The following CALN1 variants were observed in gnomAD, a reference collection of about 807,000 sequenced individuals.
The protein encoded by CALN1 is calcium-binding protein 8.
CALN1 carries 17 observed loss-of-function variants against 30.6 expected under a neutral mutation model. The observed-to-expected ratio is 0.56, with a 90% CI of 0.38 to 0.83. The LOEUF (loss-of-function observed/expected upper bound fraction) is 0.83. CALN1 is among the 40% of genes least tolerant of loss of function. CALN1 has a pLI of 0.00. For synonymous variants in CALN1, 156 were observed against 131.4 expected, an observed-to-expected ratio of 1.19 and a Z score of -1.28; for missense variants, 291 against 354.9, an observed-to-expected ratio of 0.82 and a Z score of 1.45.
At chr7:72,030,227 G>A (rs1421758590) in intron 4 of CALN1, among the ~76,000 whole-genome samples, 1 of 151,884 alleles carries the variant, frequency 6.6e-6, no homozygotes, top group Non-Finnish European at 1.5e-5. Flanking sequence ...CACTCTCTTT[G>A]TTACTCAATG....
At chr7:72,127,001 A>T (rs908314083) in intron 3 of CALN1, among the ~76,000 whole-genome samples, 2 of 152,020 alleles carry the variant, frequency 1.3e-5, no homozygotes, top group African/African-American at 4.8e-5. Flanking sequence ...ATAAAATTTT[A>T]AAAAATCGTA....
chr7:72,390,907 G>A (rs1391282389), intron 2 of CALN1, among the ~76,000 whole-genome samples: 1 of 152,086 alleles, frequency 6.6e-6, no homozygotes, highest in Non-Finnish European at 1.5e-5. Context: ...TATGCATTTA[G>A]AAACATAATT....
intron 4 of CALN1, among the ~76,000 whole-genome samples, chr7:72,095,464 A>T (rs1476138442): frequency 6.6e-6 from 1 of 152,178 alleles, no homozygotes; most frequent in Non-Finnish European, 1.5e-5. Flanking sequence ...TTTAATGCTA[A>T]TTATGCTTAT....
chr7:72,076,983 G>C (rs547439598), intron 4 of CALN1, among the ~76,000 whole-genome samples: 13 of 151,982 alleles, frequency 8.6e-5, no homozygotes, highest in Admixed American at 2.0e-4. Flanking sequence ...GAGTGCAGTG[G>C]TACCTCTTTC....
intron 5 of CALN1, among the ~76,000 whole-genome samples, chr7:71,840,973 T>C (rs962857600): frequency 1.1e-4 from 16 of 152,156 alleles, no homozygotes; most frequent in Non-Finnish European, 2.1e-4. Flanking sequence ...AAAAAAACCT[T>C]TTTAAAGGTA....
At chr7:72,024,095 G>A (rs1037517220) in intron 4 of CALN1, among the ~76,000 whole-genome samples, 164 of 152,132 alleles carry the variant, frequency 1.1e-3, no homozygotes, top group Non-Finnish European at 1.8e-4. Flanking sequence ...TGTACATGAT[G>A]GAAGTGGCAG....
At chr7:71,816,584 T>C (rs1216862580) in intron 5 of CALN1, among the ~76,000 whole-genome samples, 2 of 152,160 alleles carry the variant, frequency 1.3e-5, no homozygotes, top group Non-Finnish European at 2.9e-5. Flanking sequence ...GAGAGGTTGC[T>C]GTCATTCAGA....
At chr7:72,286,777 T>C (rs536077818) in intron 2 of CALN1, among the ~76,000 whole-genome samples, 14 of 152,324 alleles carry the variant, frequency 9.2e-5, no homozygotes, top group Non-Finnish European at 1.9e-4. Flanking sequence ...TGTGTAAAAG[T>C]TCTGCATCAT....
rs143593488 is a variant in CALN1, at chr7:72,214,091, G to T, written c.244+64595C>A. ...TGGGCAGATTCCCCAGCTCAACCCT[G>T]TCTACTATGCAATGAATGATGCACA... On this transcript the variant is annotated intron_variant, in intron 3 of 6. Coordinates refer to ENST00000395275, the MANE Select transcript of CALN1 (RefSeq NM_031468.4). 1.1e-3 allele frequency among the ~76,000 whole-genome samples: 171 copies of T among 152,308 alleles called. 1 individual carries two copies. The East Asian group carries it at 0.031, about 27-fold the overall frequency.
chr7:72,002,356 A>T (rs1448517228), intron 5 of CALN1, among the ~76,000 whole-genome samples: 1 of 152,228 alleles, frequency 6.6e-6, no homozygotes, highest in African/African-American at 2.4e-5. Flanking sequence ...CACAAAGCCT[A>T]TTTTATAATA....
intron 5 of CALN1, among the ~76,000 whole-genome samples, chr7:71,889,448 C>CA (rs1793109011): frequency 6.6e-6 from 1 of 152,118 alleles, no homozygotes; most frequent in Admixed American, 6.5e-5. Flanking sequence ...CACATGCTCA[C>CA]AGTAGCTTCC....
intron 2 of CALN1, among the ~76,000 whole-genome samples, chr7:72,370,832 G>A (rs960949606): frequency 6.6e-6 from 1 of 152,006 alleles, no homozygotes; most frequent in Non-Finnish European, 1.5e-5. Context: ...GATTACTTGA[G>A]GTTAGGAGTT....
intron 3 of CALN1, among the ~76,000 whole-genome samples, chr7:72,246,475 A>T (rs979031123): frequency 6.6e-6 from 1 of 152,146 alleles, no homozygotes; most frequent in African/African-American, 2.4e-5. Flanking sequence ...TCCTGCCCCC[A>T]GTGTCACCTG....
intron 5 of CALN1, among the ~76,000 whole-genome samples, chr7:71,953,126 T>C (rs557515323): frequency 1.0e-4 from 15 of 150,732 alleles, no homozygotes; most frequent in African/African-American, 3.6e-4. Context: ...CCAGCTGCTG[T>C]TTTTAATTTT....
chr7:71,809,890 G>A (rs1584267329), intron 6 of CALN1, among the ~76,000 whole-genome samples: 2 of 151,486 alleles, frequency 1.3e-5, no homozygotes, highest in Non-Finnish European at 2.9e-5. Context: ...AGAATTCTGC[G>A]AAGTAGGTGT....
intron 3 of CALN1, among the ~76,000 whole-genome samples, chr7:72,253,989 C>T (rs1217828317): frequency 1.3e-5 from 2 of 152,162 alleles, no homozygotes; most frequent in African/African-American, 4.8e-5. Flanking sequence ...GATCTGCCCA[C>T]CTCAGCCTAC....
chr7:72,009,415 C>G (rs1280362844), intron 5 of CALN1, among the ~76,000 whole-genome samples: 1 of 151,942 alleles, frequency 6.6e-6, no homozygotes, highest in Non-Finnish European at 1.5e-5. Flanking sequence ...TAATATTAAC[C>G]CTAAGAATAC....
chr7:72,356,441 T>C (rs987323913), intron 2 of CALN1, among the ~76,000 whole-genome samples: 9 of 151,974 alleles, frequency 5.9e-5, no homozygotes, highest in Admixed American at 6.5e-5. Flanking sequence ...CAACTTTAGA[T>C]ACAACTTGTA....
intron 1 of CALN1, among the ~76,000 whole-genome samples, chr7:72,431,214 G>A (rs1389959625): frequency 2.0e-5 from 3 of 152,116 alleles, no homozygotes; most frequent in Admixed American, 6.5e-5. Flanking sequence ...ACGGGCATAA[G>A]CCACTGAGCC....
Sources: allele counts gnomAD v4.1 joint callset (sites outside exome capture counted in the v4.1 genomes callset), GRCh38; gene constraint gnomAD v4.1.1; transcripts MANE v1.5; gene names NCBI Gene and HGNC (gene_info 2026-07-23, HGNC 2026-07-21).